CCDC102B: variants seen among roughly 807,000 people sequenced by gnomAD.
CCDC102B encodes coiled-coil domain-containing protein 102B.
A neutral mutation model predicts 57.4 loss-of-function variants in CCDC102B; 75 were observed. The observed-to-expected ratio is 1.31, with a 90% confidence interval of 1.08 to 1.58. The LOEUF (loss-of-function observed/expected upper bound fraction) is 1.58. Among genes scored for constraint, CCDC102B ranks in the 40% most tolerant of loss-of-function variants. The pLI, the probability that CCDC102B is intolerant of heterozygous loss-of-function variation, is 0.00. For missense variants in CCDC102B, 636 were observed against 582.6 expected (o/e 1.09, Z -0.94); for synonymous variants, 206 against 201.9 (o/e 1.02, Z -0.17).
intron 6 of CCDC102B, among the ~76,000 whole-genome samples, chr18:68,984,699 G>A (rs2050680716): frequency 6.6e-6 from 1 of 151,916 alleles, no homozygotes; most frequent in Admixed American, 6.6e-5. Flanking sequence ...ACCTAACTTT[G>A]GATTTCAATG....
At chr18:68,958,077 G>A (rs1331357631) in intron 6 of CCDC102B, among the ~76,000 whole-genome samples, 1 of 152,048 alleles carries the variant, frequency 6.6e-6, no homozygotes, top group African/African-American at 2.4e-5. Flanking sequence ...GCAGACAAGA[G>A]AAGAGAGCTA....
chr18:68,797,031 A>T (rs1263076687), upstream of CCDC102B, among the ~76,000 whole-genome samples: 2 of 152,138 alleles, frequency 1.3e-5, no homozygotes, highest in Non-Finnish European at 2.9e-5. Flanking sequence ...AATTGACTAG[A>T]GAATGTATGG....
intron 2 of CCDC102B, among the ~76,000 whole-genome samples, chr18:68,784,364 TATC>T (rs1448481325): frequency 1.3e-5 from 2 of 152,020 alleles, no homozygotes; most frequent in Non-Finnish European, 2.9e-5. Flanking sequence ...CGAGAATTCT[TATC>T]ATGAGAACAG....
At chr18:68,808,105 C>T (rs2036098772) in intron 1 of CCDC102B, among the ~76,000 whole-genome samples, 1 of 152,134 alleles carries the variant, frequency 6.6e-6, no homozygotes, top group Non-Finnish European at 1.5e-5. Flanking sequence ...GTGAAATCAA[C>T]ATTTTGGATC....
chr18:68,813,455 G>C (rs1266509298), intron 1 of CCDC102B, among the ~76,000 whole-genome samples: 3 of 152,034 alleles, frequency 2.0e-5, no homozygotes, highest in Non-Finnish European at 4.4e-5. Context: ...TGGGAGGCAA[G>C]AGAAGGAGGA....
At chr18:68,970,356 T>C (rs2050269423) in intron 6 of CCDC102B, among the ~76,000 whole-genome samples, 1 of 152,072 alleles carries the variant, frequency 6.6e-6, no homozygotes, top group Non-Finnish European at 1.5e-5. Flanking sequence ...ATATTCATGT[T>C]TTATCCTACA....
chr18:69,015,767 A>G (rs72959942), intron 7 of CCDC102B, among the ~76,000 whole-genome samples: 9,456 of 152,248 alleles, frequency 0.062, 551 homozygotes, highest in African/African-American at 0.14. Context: ...AGTATCTAAT[A>G]TATTTGTTAG....
At chr18:68,775,447 T>A (rs2144622087) in intron 2 of CCDC102B, among the ~76,000 whole-genome samples, 1 of 152,190 alleles carries the variant, frequency 6.6e-6, no homozygotes, top group Non-Finnish European at 1.5e-5. Flanking sequence ...CCCTTGACAT[T>A]TATTTATTGT....
chr18:68,854,250 G>A (rs7229216), intron 4 of CCDC102B, among the ~76,000 whole-genome samples: 44,247 of 151,600 alleles, frequency 0.29, 6,908 homozygotes, highest in Non-Finnish European at 0.34. Flanking sequence ...ACAGGTGCCC[G>A]CCACCACACC....
At chr18:68,808,705 C>G (rs2144703944) in intron 1 of CCDC102B, among the ~76,000 whole-genome samples, 1 of 152,136 alleles carries the variant, frequency 6.6e-6, no homozygotes, top group Non-Finnish European at 1.5e-5. Context: ...GTCTCGATCT[C>G]CTGACCTCTT....
chr18:68,848,200 C>T (rs1213007269), intron 4 of CCDC102B, among the ~76,000 whole-genome samples: 1 of 151,818 alleles, frequency 6.6e-6, no homozygotes, highest in Non-Finnish European at 1.5e-5. Context: ...TATTCAAAGT[C>T]TCCGTACAGT....
rs145551047 is a variant in CCDC102B at position 69,050,606 on chromosome 18, C to A, written c.1435-3424C>A. Among the ~76,000 whole-genome samples, 5 of 152,258 alleles carry A rather than the reference C, an allele frequency of 3.3e-5. No homozygotes were observed. In the East Asian group the frequency reaches 9.7e-4, roughly 29 times the overall value. On this transcript the variant is annotated intron_variant, in intron 7 of 7. Transcript: ENST00000360242. ...CATGTCCAGTACCACATAATGCAATCTATAAATGTTATCTTATTTCATCTT... is the reference window on the plus strand; with the variant it reads ...CATGTCCAGTACCACATAATGCAATATATAAATGTTATCTTATTTCATCTT...
At position 69,054,880 on chromosome 18, in the gene CCDC102B, TG is replaced by T; in HGVS notation, c.*744del. The T allele has an allele frequency of 1.0e-6, 1 of 985,344 alleles. No homozygotes were observed. The highest frequency in any genetic ancestry group is 1.2e-6 in the Non-Finnish European group (1 of 829,894). 61.0% of individuals were successfully genotyped at this position (985,344 alleles called of 1,614,324 possible). On this transcript the variant is annotated 3_prime_UTR_variant, in exon 8 of 8. Coordinates refer to ENST00000360242, the MANE Select transcript of CCDC102B (RefSeq NM_024781.3). ...GGTAGAAATCAGGCCAAAATTAAGCTGTGGTTTCCCTCTGAGTAGTGGGAAT... is the reference window on the plus strand; with the variant it reads ...GGTAGAAATCAGGCCAAAATTAAGCTTGGTTTCCCTCTGAGTAGTGGGAAT...
At chr18:68,854,556 G>A (rs998715688) in intron 4 of CCDC102B, among the ~76,000 whole-genome samples, 2 of 152,066 alleles carry the variant, frequency 1.3e-5, no homozygotes, top group Non-Finnish European at 2.9e-5. Flanking sequence ...AATTCTGTAT[G>A]TTCTAAAAAC....
chr18:68,802,501 A>T (rs953805556), intron 1 of CCDC102B, among the ~76,000 whole-genome samples: 4 of 152,196 alleles, frequency 2.6e-5, no homozygotes, highest in Non-Finnish European at 5.9e-5. Flanking sequence ...TCAGGACTAA[A>T]TAAATTTGAC....
intron 2 of CCDC102B, 138 bp from the exon 3 acceptor site, chr18:68,838,568 A>T (rs1263849974): frequency 7.0e-7 from 1 of 1,436,264 alleles, no homozygotes; most frequent in Non-Finnish European, 9.1e-7. Context: ...TGGCCACACA[A>T]CACTTTCAGG....
At chr18:68,791,553 T>C (rs560664082) in intron 2 of CCDC102B, among the ~76,000 whole-genome samples, 25 of 152,106 alleles carry the variant, frequency 1.6e-4, no homozygotes, top group Non-Finnish European at 2.2e-4. Context: ...TTATTCCTTA[T>C]GTCTTTGATA....
At chr18:68,750,833 A>C (rs1217079026) in intron 2 of CCDC102B, among the ~76,000 whole-genome samples, 1 of 151,680 alleles carries the variant, frequency 6.6e-6, no homozygotes, top group East Asian at 1.9e-4. Context: ...TAGCATTAGA[A>C]GATATACCTA....
chr18:68,770,882 C>T lies in CCDC102B; in HGVS notation c.-66-52484C>T, dbSNP rs114755486. The stretch of plus-strand genomic sequence containing the variant: ...CAAGCTGAGTTTTACAGATTTAGAG[C>T]GAAGCTCAGAGTACTCAGCATGGTG... On this transcript the variant is annotated intron_variant, in intron 2 of 3. Transcript: ENST00000578970. Among the ~76,000 whole-genome samples the T allele has an allele frequency of 4.1e-3, 622 of 152,276 alleles. 3 individuals are homozygous for T. The highest frequency in any genetic ancestry group is 0.013 in the African/African-American group (539 of 41,542).
Sources: allele counts gnomAD v4.1 joint callset (sites outside exome capture counted in the v4.1 genomes callset), GRCh38; gene constraint gnomAD v4.1.1; transcripts MANE v1.5; gene names NCBI Gene and HGNC (gene_info 2026-07-23, HGNC 2026-07-21).